Variants in C8orf88 observed in about 807,000 individuals in gnomAD.
C8orf88 encodes uncharacterized protein C8orf88.
C8orf88 carries 14 observed loss-of-function variants against 18.4 expected under a neutral mutation model. The observed-to-expected ratio is 0.76, with a 90% CI of 0.50 to 1.19. The LOEUF is 1.19. C8orf88 is among the 50% of genes most tolerant of loss of function. The probability of loss-of-function intolerance (pLI) is 0.00; values close to 1 mark genes in which losing one functional copy is unlikely to be tolerated. For missense variants in C8orf88, 116 were observed against 134.7 expected, an observed-to-expected ratio of 0.86 and a Z score of 0.69; for synonymous variants, 45 against 42.9, an observed-to-expected ratio of 1.05 and a Z score of -0.19.
chr8:90,960,896 CT>C (rs1811118376), intron 4 of C8orf88, 48 bp from the exon 5 acceptor site: 1 of 1,099,216 alleles, frequency 9.1e-7, no homozygotes. Flanking sequence ...GTAGGGCTGT[CT>C]AGATCACTTT....
At chr8:90,968,106 A>C (rs899081178) in intron 4 of C8orf88, among the ~76,000 whole-genome samples, 1 of 151,758 alleles carries the variant, frequency 6.6e-6, no homozygotes, top group African/African-American at 2.4e-5. Flanking sequence ...AAAGACCCCT[A>C]AACAGCCAGA....
At chr8:90,961,074 T>C (rs1811120881) in intron 4 of C8orf88, among the ~76,000 whole-genome samples, 1 of 151,472 alleles carries the variant, frequency 6.6e-6, no homozygotes, top group African/African-American at 2.4e-5. Flanking sequence ...GAAAGAAATA[T>C]AATTAAGAAA....
rs1462057476 is a variant in C8orf88 at position 90,985,127 on chromosome 8, A to C, written c.-40T>G. 6.6e-6 allele frequency: 1 copy of C among 151,788 alleles called. No individual in the cohort carries two copies. Among genetic ancestry groups the C allele is most frequent in the African/African-American group, 2.4e-5 (1 of 41,348 alleles). The allele number at this position is 151,788 out of a possible 1,614,324, so 9.4% of individuals were successfully genotyped here. ...CTAGCCACTTACCGACTCAAAATCC[A>C]CGGGGATTTCGGGGCAGCAGCGTCG... On this transcript the variant is annotated 5_prime_UTR_variant, in exon 1 of 6. Transcript: ENST00000517562.
chr8:90,982,361 A>G lies in C8orf88; in HGVS notation c.-26-1900T>C, dbSNP rs1313865386. The stretch of plus-strand genomic sequence containing the variant: ...CATTGCTTTATTTGATGTTTATCCT[A>G]GCTATTTTAGTTAAGACCCTAATAC... On this transcript the variant is annotated intron_variant, in intron 1 of 5. Coordinates refer to ENST00000517562, the MANE Select transcript of C8orf88 (RefSeq NM_001190972.2). Among the ~76,000 whole-genome samples the G allele has an allele frequency of 2.6e-5, 4 of 152,184 alleles. No homozygotes were observed. In the East Asian group the frequency reaches 7.7e-4, roughly 29 times the overall value.
At chr8:90,967,089 G>A (rs1811211205) in intron 4 of C8orf88, among the ~76,000 whole-genome samples, 1 of 151,598 alleles carries the variant, frequency 6.6e-6, no homozygotes, top group Non-Finnish European at 1.5e-5. Flanking sequence ...ACATAACATT[G>A]AAAAAAGAAA....
At chr8:90,982,810 AG>A (rs1269122641) in intron 1 of C8orf88, among the ~76,000 whole-genome samples, 1 of 152,084 alleles carries the variant, frequency 6.6e-6, no homozygotes, top group African/African-American at 2.4e-5. Flanking sequence ...CTGACATTAT[AG>A]GGGACAAGTT....
chr8:90,979,961 TA>T (rs939728312), intron 2 of C8orf88, among the ~76,000 whole-genome samples: 30 of 152,276 alleles, frequency 2.0e-4, no homozygotes, highest in Admixed American at 1.6e-3. Context: ...TTTGTGCTAA[TA>T]TTTTTTTTTT....
chr8:90,969,854 T>C (rs372178213), intron 4 of C8orf88, among the ~76,000 whole-genome samples: 2 of 151,408 alleles, frequency 1.3e-5, no homozygotes, highest in East Asian at 1.9e-4. Flanking sequence ...CCCAAGATAA[T>C]AACAAAAGTC....
chr8:90,961,320 ACC>A (rs749730109), intron 4 of C8orf88, among the ~76,000 whole-genome samples: 4 of 151,244 alleles, frequency 2.6e-5, no homozygotes, highest in Non-Finnish European at 5.9e-5. Flanking sequence ...AATGAATAGG[ACC>A]CAAGATAGGG....
At chr8:90,966,976 T>C (rs1811208888) in intron 4 of C8orf88, among the ~76,000 whole-genome samples, 1 of 151,940 alleles carries the variant, frequency 6.6e-6, no homozygotes, top group African/African-American at 2.4e-5. Flanking sequence ...AACATCTGTA[T>C]AGGACTGTGT....
intron 4 of C8orf88, among the ~76,000 whole-genome samples, chr8:90,962,048 A>C (rs1447099318): frequency 6.6e-6 from 1 of 151,652 alleles, no homozygotes; most frequent in Non-Finnish European, 1.5e-5. Context: ...CTATCCTTAC[A>C]TCCTATCAAC....
At chr8:90,966,797 C>T (rs1046240246) in intron 4 of C8orf88, among the ~76,000 whole-genome samples, 16 of 151,738 alleles carry the variant, frequency 1.1e-4, no homozygotes, top group African/African-American at 3.9e-4. Context: ...TCCTAATAAA[C>T]CCATTATAAG....
At position 90,960,751 on chromosome 8, in the gene C8orf88, C is replaced by T; in HGVS notation, c.321G>A (p.Leu107=). The change falls in exon 5 of 6, where the codon CTG becomes CTA. Residue 107 remains leucine, a synonymous_variant. Transcript: ENST00000517562. ...PDFLPDHPIV[L]QKPENNQSFK is the part of the protein sequence containing the mutation. ...TTAGAAAACTACTTACTGGTTTTTG[C>T]AGTACAATGGGATGATCAGGCAGAA... The T allele has an allele frequency of 6.6e-7, 1 of 1,520,658 alleles. No homozygotes were observed. Among genetic ancestry groups the T allele is most frequent in the South Asian group, 1.2e-5 (1 of 82,552 alleles). 94.2% of individuals were successfully genotyped at this position (1,520,658 alleles called of 1,614,324 possible). A position where few individuals can be genotyped will look rare whatever the true frequency, so the allele number is the denominator to read the frequency against.
chr8:90,980,750 T>C (rs532384836), intron 1 of C8orf88, among the ~76,000 whole-genome samples: 1 of 152,266 alleles, frequency 6.6e-6, no homozygotes, highest in East Asian at 1.9e-4. Flanking sequence ...TGGACTGCAG[T>C]GGCACAATCA....
intron 3 of C8orf88, among the ~76,000 whole-genome samples, chr8:90,971,939 G>A (rs550028070): frequency 1.2e-3 from 187 of 152,102 alleles, no homozygotes; most frequent in African/African-American, 4.1e-3. Context: ...AAAATAATTG[G>A]TGTTCTGATT....
intron 5 of C8orf88, 69 bp downstream of exon 5, chr8:90,960,671 GTC>G (rs936816958): frequency 2.2e-4 from 177 of 814,578 alleles, no homozygotes; most frequent in Non-Finnish European, 1.3e-4. Flanking sequence ...TAGAGGTAGA[GTC>G]TGATGAAAAT....
At chr8:90,976,608 T>C (rs920578894) in intron 3 of C8orf88, among the ~76,000 whole-genome samples, 4 of 151,986 alleles carry the variant, frequency 2.6e-5, no homozygotes, top group African/African-American at 7.2e-5. Flanking sequence ...ATATTGATTA[T>C]ACAGAGATAC....
chr8:90,984,151 C>T (rs1195705078), intron 1 of C8orf88, among the ~76,000 whole-genome samples: 1 of 152,122 alleles, frequency 6.6e-6, no homozygotes, highest in African/African-American at 2.4e-5. Context: ...AAATTCTAGT[C>T]TTCTTTGGAA....
chr8:90,964,966 AC>A (rs765023373), intron 4 of C8orf88, among the ~76,000 whole-genome samples: 7 of 151,592 alleles, frequency 4.6e-5, no homozygotes, highest in Non-Finnish European at 8.9e-5. Context: ...GAATTAAGTA[AC>A]AAAAAAAGAC....
Sources: allele counts gnomAD v4.1 joint callset (sites outside exome capture counted in the v4.1 genomes callset), GRCh38; gene constraint gnomAD v4.1.1; transcripts MANE v1.5; gene names NCBI Gene and HGNC (gene_info 2026-07-23, HGNC 2026-07-21).